CCDC178: variants seen among roughly 807,000 people sequenced by gnomAD.
The protein encoded by CCDC178 is coiled-coil domain-containing protein 178.
In CCDC178, 126 loss-of-function variants were observed where a neutral mutation model predicts 117.4. The observed-to-expected ratio is 1.07, with a 90% confidence interval of 0.93 to 1.24. The LOEUF is 1.24. Among genes scored for constraint, CCDC178 ranks in the 50% most tolerant of loss-of-function variants. The pLI, the probability that CCDC178 is intolerant of heterozygous loss-of-function variation, is 0.00. For synonymous variants in CCDC178, 283 were observed against 313.4 expected (o/e 0.90, Z 1.02); for missense variants, 1,030 against 986.9 (o/e 1.04, Z -0.59).
chr18:33,117,370 T>C (rs1046190277), intron 20 of CCDC178, among the ~76,000 whole-genome samples: 2 of 152,012 alleles, frequency 1.3e-5, no homozygotes, highest in African/African-American at 2.4e-5. Flanking sequence ...CTCAGCAACA[T>C]TGACTTCCAC....
intron 15 of CCDC178, among the ~76,000 whole-genome samples, chr18:33,240,694 A>G (rs1663130570): frequency 6.6e-6 from 1 of 151,946 alleles, no homozygotes; most frequent in African/African-American, 2.4e-5. Flanking sequence ...ACAAGTAACA[A>G]GATTGAATCA....
At chr18:33,429,687 A>T (rs2064179384) in intron 2 of CCDC178, among the ~76,000 whole-genome samples, 1 of 152,214 alleles carries the variant, frequency 6.6e-6, no homozygotes, top group African/African-American at 2.4e-5. Flanking sequence ...TTCCTAATGA[A>T]ATAACAAATG....
At chr18:33,154,442 A>G (rs1190396364) in intron 20 of CCDC178, among the ~76,000 whole-genome samples, 1 of 152,232 alleles carries the variant, frequency 6.6e-6, no homozygotes, top group African/African-American at 2.4e-5. Context: ...ACTTTAAAGC[A>G]GCTGTTATAA....
At chr18:33,270,313 A>G (rs1030582568) in intron 12 of CCDC178, among the ~76,000 whole-genome samples, 19 of 151,808 alleles carry the variant, frequency 1.3e-4, no homozygotes, top group African/African-American at 4.6e-4. Flanking sequence ...GGGGGGAGGC[A>G]AAAAGTATAT....
chr18:33,062,025 A>G (rs1247496038), intron 21 of CCDC178, among the ~76,000 whole-genome samples: 1 of 152,190 alleles, frequency 6.6e-6, no homozygotes, highest in Admixed American at 6.5e-5. Flanking sequence ...TTTTGTTGCT[A>G]TGAAATAGGT....
intron 5 of CCDC178, among the ~76,000 whole-genome samples, chr18:33,385,029 G>A (rs543301032): frequency 1.3e-5 from 2 of 152,218 alleles, no homozygotes; most frequent in East Asian, 3.9e-4. Flanking sequence ...AATTTACCAA[G>A]CAAATTTGAA....
intron 5 of CCDC178, among the ~76,000 whole-genome samples, chr18:33,388,224 G>A (rs1460636756): frequency 6.6e-6 from 1 of 152,182 alleles, no homozygotes; most frequent in Non-Finnish European, 1.5e-5. Flanking sequence ...ACAGATGCTA[G>A]TGACGTTGCA....
intron 21 of CCDC178, among the ~76,000 whole-genome samples, chr18:33,028,680 A>G (rs1598804522): frequency 6.6e-6 from 1 of 151,772 alleles, no homozygotes. Flanking sequence ...CCTTGTATCT[A>G]TCAGGTTAAA....
At chr18:33,070,740 C>T (rs2057093958) in intron 21 of CCDC178, among the ~76,000 whole-genome samples, 1 of 152,026 alleles carries the variant, frequency 6.6e-6, no homozygotes, top group Non-Finnish European at 1.5e-5. Context: ...TTTATCATTA[C>T]ACACTGTATA....
chr18:33,080,792 T>C (rs189064043), intron 21 of CCDC178, among the ~76,000 whole-genome samples: 1 of 152,180 alleles, frequency 6.6e-6, no homozygotes, highest in South Asian at 2.1e-4. Context: ...TTGGTCAACA[T>C]TTATGATATG....
chr18:33,140,298 AG>A (rs1236562727), intron 20 of CCDC178, among the ~76,000 whole-genome samples: 4 of 152,064 alleles, frequency 2.6e-5, no homozygotes, highest in African/African-American at 9.7e-5. Flanking sequence ...TTGTGAGAAG[AG>A]GGCCACCATC....
intron 20 of CCDC178, among the ~76,000 whole-genome samples, chr18:33,146,894 T>C (rs2058274438): frequency 6.6e-6 from 1 of 152,148 alleles, no homozygotes; most frequent in African/African-American, 2.4e-5. Context: ...TAAGACTCAG[T>C]CTGAAAAAAT....
At chr18:33,417,950 T>C (rs1279842529) in intron 2 of CCDC178, among the ~76,000 whole-genome samples, 1 of 152,020 alleles carries the variant, frequency 6.6e-6, no homozygotes, top group Non-Finnish European at 1.5e-5. Flanking sequence ...CTGAAATTAT[T>C]CCAAAAAACT....
chr18:33,079,651 A>G (rs1336668302), intron 21 of CCDC178, among the ~76,000 whole-genome samples: 1 of 152,234 alleles, frequency 6.6e-6, no homozygotes, highest in African/African-American at 2.4e-5. Context: ...GAAGACATAC[A>G]TGCGACCAAC....
chr18:33,408,321 T>C (rs1362235623), intron 3 of CCDC178, among the ~76,000 whole-genome samples: 1 of 151,804 alleles, frequency 6.6e-6, no homozygotes, highest in Non-Finnish European at 1.5e-5. Context: ...CACATTTTAG[T>C]CACCTTCATT....
At chr18:33,271,553 G>C (rs1189705128) in intron 12 of CCDC178, among the ~76,000 whole-genome samples, 1 of 151,086 alleles carries the variant, frequency 6.6e-6, no homozygotes, top group Non-Finnish European at 1.5e-5. Flanking sequence ...ATAACAGAAG[G>C]GTCAATTAAT....
intron 3 of CCDC178, among the ~76,000 whole-genome samples, chr18:33,411,175 G>C (rs1320285905): frequency 6.6e-6 from 1 of 152,100 alleles, no homozygotes; most frequent in African/African-American, 2.4e-5. Context: ...TTTTATGGTT[G>C]GTTGTTACAT....
intron 20 of CCDC178, among the ~76,000 whole-genome samples, chr18:33,094,090 T>C (rs112030616): frequency 2.6e-5 from 4 of 152,136 alleles, no homozygotes; most frequent in South Asian, 2.1e-4. Flanking sequence ...CACTTGAAGA[T>C]TTATTAAAGT....
At chr18:33,182,624 A>AT (rs1400049697) in intron 20 of CCDC178, among the ~76,000 whole-genome samples, 1 of 151,984 alleles carries the variant, frequency 6.6e-6, no homozygotes, top group Non-Finnish European at 1.5e-5. Context: ...GATTAGTTAG[A>AT]TCAAAGGAAT....
Sources: allele counts gnomAD v4.1 joint callset (sites outside exome capture counted in the v4.1 genomes callset), GRCh38; gene constraint gnomAD v4.1.1; transcripts MANE v1.5; gene names NCBI Gene and HGNC (gene_info 2026-07-23, HGNC 2026-07-21).